Variants in PSIP1 observed in about 807,000 individuals in gnomAD.
PSIP1 encodes the protein PC4 and SFRS1-interacting protein.
PSIP1 carries 19 observed loss-of-function variants against 74.7 expected under a neutral mutation model. That is an observed-to-expected ratio of 0.25 (90% CI 0.18 to 0.37). PSIP1 has a LOEUF of 0.37. PSIP1 is among the 10% of genes least tolerant of loss of function. The pLI is 1.00. For synonymous variants in PSIP1, 222 were observed against 195.3 expected (o/e 1.14, Z -1.14); for missense variants, 601 against 614.3 (o/e 0.98, Z 0.23).
At chr9:15,480,321 GA>G in intron 6 of PSIP1, among the ~76,000 whole-genome samples, 1 of 152,304 alleles carries the variant, frequency 6.6e-6, no homozygotes, top group South Asian at 2.1e-4. Flanking sequence ...GGAGGAAAGA[GA>G]AAGACCAAAG....
In PSIP1 at chr9:15,510,341, A is replaced by G; in HGVS notation, c.-141-12T>C. The G allele has an allele frequency of 4.1e-6, 1 of 243,504 alleles. No individual in the cohort carries two copies. Among genetic ancestry groups the G allele is most frequent in the Non-Finnish European group, 7.3e-6 (1 of 137,228 alleles). The allele number at this position is 243,504 out of a possible 1,614,324, so 15.1% of individuals were successfully genotyped here. ...TCCCGACGCGCCTGCTAGGGAGAGC[A>G]CCGAGGGCGGTTAAAGCGAAGAACC... On this transcript the variant is annotated splice_polypyrimidine_tract_variant and intron_variant, in intron 1 of 15. Transcript: ENST00000380733.
At chr9:15,492,080 A>G (rs907626263) in intron 3 of PSIP1, 3 of 152,174 alleles carry the variant, frequency 2.0e-5, no homozygotes, top group Non-Finnish European at 4.4e-5. Context: ...CCCCTCTCTC[A>G]AATCTCATGT....
chr9:15,483,700 C>T (rs1325308997), intron 6 of PSIP1, among the ~76,000 whole-genome samples: 2 of 152,104 alleles, frequency 1.3e-5, no homozygotes, highest in African/African-American at 4.8e-5. Flanking sequence ...GTCTCACTGC[C>T]CCAATCCAAT....
intron 6 of PSIP1, among the ~76,000 whole-genome samples, chr9:15,481,049 T>G (rs985642523): frequency 3.3e-5 from 5 of 152,228 alleles, no homozygotes; most frequent in Non-Finnish European, 7.3e-5. Context: ...AAAGTATTAT[T>G]AAAACTCATC....
chr9:15,497,509 T>C (rs922046295), intron 3 of PSIP1, among the ~76,000 whole-genome samples: 1 of 152,038 alleles, frequency 6.6e-6, no homozygotes, highest in Non-Finnish European at 1.5e-5. Flanking sequence ...ATATTTTTAG[T>C]AGAGATGGGG....
Position 15,465,353 on chromosome 9 carries a change from C to A in PSIP1, c.*167G>T. 1.7e-6 allele frequency: 1 copy of A among 599,984 alleles called. No individual in the cohort carries two copies. Among genetic ancestry groups the A allele is most frequent in the East Asian group, 2.9e-5 (1 of 34,300 alleles). 37.2% of individuals were successfully genotyped at this position (599,984 alleles called of 1,614,324 possible). A position where few individuals can be genotyped will look rare whatever the true frequency, so the allele number is the denominator to read the frequency against. ...TAGCTGTTAATACTGCACAAGTACA[C>A]TTAGCGATAATGTTTACTTTACTTT... On this transcript the variant is annotated 3_prime_UTR_variant, in exon 16 of 16. Transcript: ENST00000380733.
chr9:15,501,396 G>GAA (rs34513767), intron 3 of PSIP1, among the ~76,000 whole-genome samples: 1 of 146,400 alleles, frequency 6.8e-6, no homozygotes, highest in African/African-American at 2.5e-5. Flanking sequence ...GAGAAAAGGG[G>GAA]AAAAAAAAAA....
intron 8 of PSIP1, among the ~76,000 whole-genome samples, chr9:15,476,830 T>TAA (rs575346288): frequency 8.7e-4 from 133 of 152,292 alleles, no homozygotes; most frequent in Non-Finnish European, 1.6e-3. Flanking sequence ...GAGATGAGGA[T>TAA]AAGTTCCTAA....
In PSIP1 at chr9:15,510,328, T is replaced by G; in HGVS notation, c.-140A>C. 1 of 411,566 alleles carries G rather than the reference T, an allele frequency of 2.4e-6. No homozygotes were observed. The highest frequency in any genetic ancestry group is 4.0e-6 in the Non-Finnish European group (1 of 250,994). 25.5% of individuals were successfully genotyped at this position (411,566 alleles called of 1,614,324 possible). A position where few individuals can be genotyped will look rare whatever the true frequency, so the allele number is the denominator to read the frequency against. On this transcript the variant is annotated splice_region_variant and 5_prime_UTR_variant, in exon 2 of 16. Coordinates refer to ENST00000380733, the MANE Select transcript of PSIP1 (RefSeq NM_033222.5). Reference sequence around the variant, plus strand: ...ATGCCTCGGGGCGTCCCGACGCGCCTGCTAGGGAGAGCACCGAGGGCGGTT... The same window carrying G: ...ATGCCTCGGGGCGTCCCGACGCGCCGGCTAGGGAGAGCACCGAGGGCGGTT...
intron 3 of PSIP1, chr9:15,504,854 C>G (rs1277623787): frequency 6.6e-6 from 1 of 152,058 alleles, no homozygotes; most frequent in East Asian, 1.9e-4. Context: ...TACAGTATTT[C>G]CAAACTTCAA....
chr9:15,478,199 A>T (rs977877176), intron 8 of PSIP1, among the ~76,000 whole-genome samples: 1 of 151,458 alleles, frequency 6.6e-6, no homozygotes, highest in Admixed American at 6.6e-5. Context: ...GAAACATACC[A>T]TCTTGCCCAA....
intron 6 of PSIP1, among the ~76,000 whole-genome samples, chr9:15,480,773 T>G (rs2036301857): frequency 6.6e-6 from 1 of 152,042 alleles, no homozygotes; most frequent in South Asian, 2.1e-4. Flanking sequence ...AACAAAAGAT[T>G]AGCCAGGCTT....
chr9:15,494,265 TAA>T (rs1164482030), intron 3 of PSIP1, among the ~76,000 whole-genome samples: 1 of 152,140 alleles, frequency 6.6e-6, no homozygotes, highest in Non-Finnish European at 1.5e-5. Context: ...TTAAAAGACT[TAA>T]GAGTTCTATT....
intron 6 of PSIP1, among the ~76,000 whole-genome samples, chr9:15,480,338 G>T (rs577894222): frequency 6.6e-6 from 1 of 152,212 alleles, no homozygotes; most frequent in African/African-American, 2.4e-5. Context: ...CAAAGGAGGA[G>T]ATGGGCTCCT....
intron 3 of PSIP1, among the ~76,000 whole-genome samples, chr9:15,497,325 C>CT (rs767922897): frequency 0.013 from 1,568 of 118,538 alleles, 106 homozygotes; most frequent in African/African-American, 0.041. Flanking sequence ...TCTATGATTC[C>CT]TTTTTTTTTT....
At chr9:15,498,690 G>A (rs1367261566) in intron 3 of PSIP1, among the ~76,000 whole-genome samples, 2 of 151,956 alleles carry the variant, frequency 1.3e-5, no homozygotes, top group Non-Finnish European at 2.9e-5. Context: ...AATATGCTAA[G>A]TAAATGCAGG....
At chr9:15,510,493 C>T (rs1203842823) in intron 1 of PSIP1, among the ~76,000 whole-genome samples, 164 bp from the exon 2 acceptor site, 1 of 152,128 alleles carries the variant, frequency 6.6e-6, no homozygotes, top group Non-Finnish European at 1.5e-5. Context: ...AGGTCCTCCA[C>T]CCCGCCACCG....
rs186801554 is a variant in PSIP1, at chr9:15,498,194, T to C, written c.150-8070A>G. Among the ~76,000 whole-genome samples the C allele has an allele frequency of 8.5e-5, 13 of 152,262 alleles. No individual in the cohort carries two copies. The East Asian group carries it at 1.7e-3, about 20-fold the overall frequency. On this transcript the variant is annotated intron_variant, in intron 3 of 15. Transcript: ENST00000380733. ...ACTTTGGGAGGCCAAGGCGGGCGTG[T>C]CACCTGAGGTCAGGAGTTCGAGACC...
intron 10 of PSIP1, chr9:15,471,910 G>C: frequency 5.1e-6 from 5 of 982,624 alleles, no homozygotes; most frequent in Non-Finnish European, 6.0e-6. Context: ...CGCTTCACGA[G>C]AAAAGAAAAG....
Sources: gnomAD v4.1 joint callset for allele counts (sites outside exome capture counted in the v4.1 genomes callset) on GRCh38, gnomAD v4.1.1 for gene constraint, MANE v1.5 for transcripts, NCBI Gene and HGNC (gene_info 2026-07-23, HGNC 2026-07-21) for gene names.